The following FRAS1 variants were observed in gnomAD, a reference collection of about 807,000 sequenced individuals.
FRAS1 encodes the protein extracellular matrix organizing protein FRAS1.
A neutral mutation model predicts 435.2 loss-of-function variants in FRAS1; 290 were observed. The ratio of observed to expected loss-of-function variants is 0.67; its 90% CI spans 0.61 to 0.73. The LOEUF is 0.73. FRAS1 is among the 30% of genes least tolerant of loss of function. The pLI is 0.00. For missense variants in FRAS1, 4,860 were observed against 5,001.5 expected (o/e 0.97, Z 0.85); for synonymous variants, 1,800 against 1,851.0 (o/e 0.97, Z 0.71).
At position 78,450,772 on chromosome 4, in the gene FRAS1, C is replaced by T. The variant is rs142577357; in HGVS notation, c.6463+433C>T. ...CTAAGCAAAATGGAAGGGCATAAAT[C>T]GGAGCTGCCTAGGGGAAATTACATG... On this transcript the variant is annotated intron_variant, in intron 45 of 73. Transcript: ENST00000512123. 3.1e-3 allele frequency among the ~76,000 whole-genome samples: 477 copies of T among 152,160 alleles called. 7 individuals are homozygous for T. The highest frequency in any genetic ancestry group is 0.011 in the African/African-American group (445 of 41,506).
chr4:78,509,043 G>T, intron 63 of FRAS1, 37 bp downstream of exon 63: 1 of 1,606,000 alleles, frequency 6.2e-7, no homozygotes, highest in East Asian at 2.2e-5. Flanking sequence ...CTCCCTCCCT[G>T]GGAGAGAACT....
At chr4:78,173,572 T>G (rs1721643776) in intron 2 of FRAS1, among the ~76,000 whole-genome samples, 1 of 152,232 alleles carries the variant, frequency 6.6e-6, no homozygotes, top group Admixed American at 6.5e-5. Flanking sequence ...CTTCTACACA[T>G]GAGAGGCATC....
intron 32 of FRAS1, among the ~76,000 whole-genome samples, chr4:78,417,421 TTG>T (rs1421474485): frequency 6.6e-6 from 1 of 152,212 alleles, no homozygotes; most frequent in Admixed American, 6.5e-5. Flanking sequence ...CTATACTTTT[TTG>T]TCTGTTAGTT....
chr4:78,089,656 A>G (rs1439355384), intron 2 of FRAS1, among the ~76,000 whole-genome samples: 6 of 80,068 alleles, frequency 7.5e-5, no homozygotes, highest in African/African-American at 1.9e-4. Flanking sequence ...CACATAATAT[A>G]AAAGTAGCCA....
At chr4:78,466,057 G>C (rs1472429999) in intron 49 of FRAS1, 151 bp from the exon 50 acceptor site, 1 of 615,258 alleles carries the variant, frequency 1.6e-6, no homozygotes, top group Non-Finnish European at 2.9e-6. Context: ...ATTCTCTTTA[G>C]CTCTATCTTT....
intron 61 of FRAS1, among the ~76,000 whole-genome samples, chr4:78,506,342 G>T (rs1160101571): frequency 6.6e-6 from 1 of 152,232 alleles, no homozygotes; most frequent in South Asian, 2.1e-4. Context: ...GTTCAGCTAT[G>T]CCCTGCCCAC....
intron 2 of FRAS1, among the ~76,000 whole-genome samples, chr4:78,183,134 T>A (rs1461800362): frequency 1.3e-5 from 2 of 152,024 alleles, no homozygotes; most frequent in Admixed American, 6.6e-5. Flanking sequence ...TTGTAGTGGG[T>A]CAAGCCAGAT....
At chr4:78,452,859 G>A (rs1719067236) in intron 47 of FRAS1, among the ~76,000 whole-genome samples, 1 of 142,644 alleles carries the variant, frequency 7.0e-6, no homozygotes, top group African/African-American at 2.6e-5. Flanking sequence ...ATAACTCAGG[G>A]GAAAATATGG....
At chr4:78,298,052 A>ATATATT (rs1181933836) in intron 14 of FRAS1, among the ~76,000 whole-genome samples, 1 of 134,752 alleles carries the variant, frequency 7.4e-6, no homozygotes, top group Admixed American at 7.8e-5. Flanking sequence ...ATATATATAT[A>ATATATT]TTACTAATCC....
chr4:78,511,352 G>A lies in FRAS1; in HGVS notation c.9859G>A (p.Gly3287Arg). 1 of 1,613,796 alleles carries A rather than the reference G, an allele frequency of 6.2e-7. No homozygotes were observed. Among genetic ancestry groups the A allele is most frequent in the Non-Finnish European group, 8.5e-7 (1 of 1,179,796 alleles). ...AKAVDKVGHV[G>R]TPLRSNIVTI... ...GGCTGTGGACAAGGTGGGCCATGTGGGGACCCCCTTAAGGAGCAACATTGT... is the reference window on the plus strand; with the variant it reads ...GGCTGTGGACAAGGTGGGCCATGTGAGGACCCCCTTAAGGAGCAACATTGT... Residue 3287 changes from glycine (G) to arginine (R), a missense_variant, in exon 64 of 74, where the codon GGG (glycine) becomes AGG (arginine). Gly to Arg is a moderately radical substitution (Grantham distance 125). Transcript: ENST00000512123.
At chr4:78,292,616 T>C (rs1363413290) in intron 14 of FRAS1, among the ~76,000 whole-genome samples, 1 of 152,188 alleles carries the variant, frequency 6.6e-6, no homozygotes, top group Non-Finnish European at 1.5e-5. Context: ...ACATGACTTA[T>C]CCCAGCCTGG....
At chr4:78,061,636 G>A (rs1739765387) in intron 1 of FRAS1, among the ~76,000 whole-genome samples, 1 of 152,206 alleles carries the variant, frequency 6.6e-6, no homozygotes, top group East Asian at 1.9e-4. Flanking sequence ...GGGCTGCAGA[G>A]TTGTTTCACT....
chr4:78,122,799 C>A (rs894605427), intron 2 of FRAS1, among the ~76,000 whole-genome samples: 2 of 152,090 alleles, frequency 1.3e-5, no homozygotes, highest in East Asian at 3.8e-4. Flanking sequence ...CTGTTCATAT[C>A]CTTTGCCCAT....
At chr4:78,062,940 A>G (rs1739822965) in intron 1 of FRAS1, among the ~76,000 whole-genome samples, 1 of 152,152 alleles carries the variant, frequency 6.6e-6, no homozygotes, top group Non-Finnish European at 1.5e-5. Flanking sequence ...GGCATTGTTC[A>G]TAGTTAGAGA....
chr4:78,529,447 T>G (rs1721645785), intron 70 of FRAS1, among the ~76,000 whole-genome samples: 1 of 152,110 alleles, frequency 6.6e-6, no homozygotes, highest in Non-Finnish European at 1.5e-5. Context: ...TTCAATACCC[T>G]CAGTGCCCCT....
At chr4:78,473,393 C>T (rs776333146) in intron 52 of FRAS1, 45 bp from the exon 53 acceptor site, 48 of 1,539,730 alleles carry the variant, frequency 3.1e-5, no homozygotes, top group Non-Finnish European at 4.0e-5. Context: ...ATGAAGCTGT[C>T]GTTACATCCC....
chr4:78,477,567 A>G (rs955043859), intron 54 of FRAS1, among the ~76,000 whole-genome samples: 3 of 152,184 alleles, frequency 2.0e-5, no homozygotes, highest in African/African-American at 4.8e-5. Flanking sequence ...CCAGTCACCA[A>G]TGGTAGGAGA....
At chr4:78,517,282 G>A (rs748667563) in intron 66 of FRAS1, among the ~76,000 whole-genome samples, 18 of 152,044 alleles carry the variant, frequency 1.2e-4, no homozygotes, top group Non-Finnish European at 2.1e-4. Context: ...GGCGTTCATC[G>A]GTTTTCCATT....
Position 78,475,598 on chromosome 4 carries a change from G to A in FRAS1, c.7843G>A (p.Ala2615Thr), listed in dbSNP as rs1374548231. 6.3e-7 allele frequency: 1 copy of A among 1,580,058 alleles called. No homozygotes were observed. Among genetic ancestry groups the A allele is most frequent in the South Asian group, 1.2e-5 (1 of 86,070 alleles). The change falls in exon 54 of 74, where the codon GCT (alanine) becomes ACT (threonine). Residue 2615 changes from alanine to threonine, a missense_variant. Physicochemically the swap from Ala to Thr is moderately conservative, Grantham distance 58 (BLOSUM62 0). Transcript: ENST00000512123. Reference protein sequence around the residue: ...QPGQQDYVEYAGQVQFDERED... With the variant: ...QPGQQDYVEYTGQVQFDERED... ...TGGGCAACAGGACTATGTAGAGTATGCTGGCCAGGTAGGTGGGGTAGTGGG... is the reference window on the plus strand; with the variant it reads ...TGGGCAACAGGACTATGTAGAGTATACTGGCCAGGTAGGTGGGGTAGTGGG...
Sources: gnomAD v4.1 joint callset for allele counts (sites outside exome capture counted in the v4.1 genomes callset) on GRCh38, gnomAD v4.1.1 for gene constraint, MANE v1.5 for transcripts, NCBI Gene and HGNC (gene_info 2026-07-23, HGNC 2026-07-21) for gene names.